The following GNB4 variants were observed in gnomAD, a reference collection of about 807,000 sequenced individuals.
The protein encoded by GNB4 is G protein subunit beta 4.
GNB4 carries 28 observed loss-of-function variants against 45.2 expected under a neutral mutation model. The observed-to-expected ratio is 0.62, with a 90% CI of 0.46 to 0.85. The LOEUF (loss-of-function observed/expected upper bound fraction) is 0.85. GNB4 is among the 40% of genes least tolerant of loss of function. The pLI is 0.00. For missense variants in GNB4, 321 were observed against 425.4 expected, an observed-to-expected ratio of 0.75 and a Z score of 2.16; for synonymous variants, 132 against 143.7, an observed-to-expected ratio of 0.92 and a Z score of 0.58.
intron 8 of GNB4, among the ~76,000 whole-genome samples, chr3:179,408,906 G>A (rs1244579485): frequency 2.0e-5 from 3 of 152,032 alleles, no homozygotes; most frequent in Non-Finnish European, 2.9e-5. Context: ...GAGCACTCTG[G>A]GAGGCTAAGA....
chr3:179,471,989 A>G, the GNB4 span, among the ~76,000 whole-genome samples: 1 of 152,196 alleles, frequency 6.6e-6, no homozygotes, highest in African/African-American at 2.4e-5. Context: ...TATATTAGGG[A>G]AAATTTATAA....
chr3:179,439,770 T>C (rs1163475884), intron 1 of GNB4, among the ~76,000 whole-genome samples: 1 of 152,192 alleles, frequency 6.6e-6, no homozygotes, highest in African/African-American at 2.4e-5. Flanking sequence ...AATTGTGTAT[T>C]TCCCAATATC....
At chr3:179,460,829 T>C in the GNB4 span, among the ~76,000 whole-genome samples, 1 of 152,126 alleles carries the variant, frequency 6.6e-6, no homozygotes, top group Non-Finnish European at 1.5e-5. Context: ...TTTTATCTTT[T>C]ATTTTTTATT....
At chr3:179,493,611 G>C in the GNB4 span, among the ~76,000 whole-genome samples, 3,646 of 152,026 alleles carry the variant, frequency 0.024, 125 homozygotes, top group African/African-American at 0.078. Flanking sequence ...TGAATTATAG[G>C]GGTCCCAGAA....
chr3:179,463,327 A>G, the GNB4 span, among the ~76,000 whole-genome samples: 1 of 152,250 alleles, frequency 6.6e-6, no homozygotes, highest in Non-Finnish European at 1.5e-5. Flanking sequence ...CTCCCCAAAC[A>G]GAAGGTATTT....
chr3:179,405,025 T>C (rs1257341993), intron 9 of GNB4, among the ~76,000 whole-genome samples, 165 bp downstream of exon 9: 4 of 152,216 alleles, frequency 2.6e-5, no homozygotes, highest in Non-Finnish European at 4.4e-5. Flanking sequence ...ATATGGCTTA[T>C]GGATTATAAC....
chr3:179,454,403 C>A (rs998056394), upstream of GNB4, among the ~76,000 whole-genome samples: 1 of 152,210 alleles, frequency 6.6e-6, no homozygotes, highest in Non-Finnish European at 1.5e-5. Flanking sequence ...CTGCATACCT[C>A]ACCCCATCCC....
At chr3:179,473,491 A>C in the GNB4 span, among the ~76,000 whole-genome samples, 1 of 151,888 alleles carries the variant, frequency 6.6e-6, no homozygotes, top group Non-Finnish European at 1.5e-5. Flanking sequence ...GCTGGAGTGC[A>C]GTTTCATGAT....
At chr3:179,407,608 A>C (rs3961211) in intron 8 of GNB4, among the ~76,000 whole-genome samples, 106,777 of 152,064 alleles carry the variant, frequency 0.7, 37,844 homozygotes, top group African/African-American at 0.78. Flanking sequence ...GTTGAGGAGA[A>C]AGCACTGGGA....
At chr3:179,428,161 G>A (rs1245970554) in intron 1 of GNB4, among the ~76,000 whole-genome samples, 1 of 152,082 alleles carries the variant, frequency 6.6e-6, no homozygotes, top group Non-Finnish European at 1.5e-5. Flanking sequence ...TATTTATTTT[G>A]TCCAATTAAA....
At chr3:179,516,400 CAGTGAA>C in the GNB4 span, among the ~76,000 whole-genome samples, 3 of 152,130 alleles carry the variant, frequency 2.0e-5, no homozygotes, top group Non-Finnish European at 2.9e-5. Context: ...TCTACCCATC[CAGTGAA>C]AGTGTCTACC....
At chr3:179,478,365 A>G in the GNB4 span, among the ~76,000 whole-genome samples, 885 of 152,312 alleles carry the variant, frequency 5.8e-3, 12 homozygotes, top group African/African-American at 0.02. Context: ...GTCCTGAGCA[A>G]CTTCCTATTA....
At chr3:179,433,138 G>T (rs934295106) in intron 1 of GNB4, among the ~76,000 whole-genome samples, 2 of 151,798 alleles carry the variant, frequency 1.3e-5, no homozygotes, top group Admixed American at 6.6e-5. Flanking sequence ...ATTACAGACA[G>T]AAAGTTTTCC....
the GNB4 span, among the ~76,000 whole-genome samples, chr3:179,461,974 T>C: frequency 1.3e-5 from 2 of 152,252 alleles, no homozygotes; most frequent in Admixed American, 6.5e-5. Flanking sequence ...TTAAGTTACT[T>C]GTTGGCTAAG....
At chr3:179,498,433 GT>G in the GNB4 span, among the ~76,000 whole-genome samples, 2 of 152,166 alleles carry the variant, frequency 1.3e-5, no homozygotes, top group East Asian at 3.9e-4. Context: ...GTTGAGTTTT[GT>G]TTTTTTGTTT....
At chr3:179,485,123 G>A in the GNB4 span, among the ~76,000 whole-genome samples, 8 of 146,576 alleles carry the variant, frequency 5.5e-5, no homozygotes, top group Non-Finnish European at 1.0e-4. Flanking sequence ...CCATTCTCCT[G>A]CCTCACCCTC....
At chr3:179,522,435 T>TACTCAC in the GNB4 span, among the ~76,000 whole-genome samples, 1 of 152,162 alleles carries the variant, frequency 6.6e-6, no homozygotes, top group African/African-American at 2.4e-5. Flanking sequence ...AAAGTTTTAT[T>TACTCAC]GCTCACACAA....
chr3:179,450,369 G>A (rs761780218), intron 1 of GNB4, among the ~76,000 whole-genome samples: 8 of 152,128 alleles, frequency 5.3e-5, no homozygotes, highest in Non-Finnish European at 7.3e-5. Context: ...ATTAAGTAGC[G>A]TGTGTTCTGT....
At chr3:179,468,035 A>AAAAAAAAAAAAAAAT in the GNB4 span, among the ~76,000 whole-genome samples, 920 of 89,852 alleles carry the variant, frequency 0.01, 77 homozygotes, top group Non-Finnish European at 0.016. Flanking sequence ...TGTTGATAAA[A>AAAAAAAAAAAAAAAT]ATATATATAT....
Sources: allele counts gnomAD v4.1 joint callset (sites outside exome capture counted in the v4.1 genomes callset), GRCh38; gene constraint gnomAD v4.1.1; transcripts MANE v1.5; gene names NCBI Gene and HGNC (gene_info 2026-07-23, HGNC 2026-07-21).